Variants in DRC11 observed in about 807,000 individuals in gnomAD.
The protein encoded by DRC11 is dynein regulatory complex subunit 11.
chr2:236,357,699 GAT>G, the DRC11 span, among the ~76,000 whole-genome samples: 1 of 84,668 alleles, frequency 1.2e-5, no homozygotes, highest in Non-Finnish European at 2.6e-5. Flanking sequence ...GTAAATATCT[GAT>G]ATGTAAATAT....
the DRC11 span, among the ~76,000 whole-genome samples, chr2:236,336,003 G>A: frequency 6.6e-6 from 1 of 152,168 alleles, no homozygotes; most frequent in African/African-American, 2.4e-5. The surrounding 1 kb of genome is among the most constrained non-coding windows in gnomAD (Gnocchi z 7.3). Context: ...AAGATCTTCT[G>A]TGACTCCTCC....
the DRC11 span, chr2:236,412,770 A>G: frequency 2.0e-5 from 3 of 152,188 alleles, no homozygotes; most frequent in Non-Finnish European, 4.4e-5. Context: ...GCAGATCTTC[A>G]TCTGAGCATT....
chr2:236,392,009 C>A, the DRC11 span: 1 of 1,613,998 alleles, frequency 6.2e-7, no homozygotes, highest in South Asian at 1.1e-5. The surrounding 1 kb of genome is among the most constrained non-coding windows in gnomAD (Gnocchi z 5.1). Flanking sequence ...TCACTGGGCG[C>A]TCCCTTTCTC....
At chr2:236,325,456 A>G in the DRC11 span, among the ~76,000 whole-genome samples, 1 of 152,206 alleles carries the variant, frequency 6.6e-6, no homozygotes, top group Non-Finnish European at 1.5e-5. The surrounding 1 kb of genome is among the most constrained non-coding windows in gnomAD (Gnocchi z 4.4). Flanking sequence ...CCTTGTAACT[A>G]TGTGAGAGAA....
At chr2:236,380,405 C>T in the DRC11 span, among the ~76,000 whole-genome samples, 5 of 152,224 alleles carry the variant, frequency 3.3e-5, no homozygotes, top group Non-Finnish European at 7.3e-5. This position sits in a 1 kb window ranked among gnomAD's most constrained non-coding sequence, Gnocchi z 4.9. Flanking sequence ...ACCCAGGCAT[C>T]TTTCCAGTCT....
chr2:236,354,285 A>C, the DRC11 span, among the ~76,000 whole-genome samples: 8 of 55,174 alleles, frequency 1.4e-4, no homozygotes, highest in African/African-American at 7.9e-4. Context: ...GTATGAGTTT[A>C]TGTTAGTGTG....
the DRC11 span, among the ~76,000 whole-genome samples, chr2:236,474,555 A>G: frequency 3.3e-5 from 5 of 152,190 alleles, no homozygotes; most frequent in Non-Finnish European, 7.4e-5. Flanking sequence ...AACTGATTCT[A>G]AAGTAAAATT....
At chr2:236,452,229 G>A in the DRC11 span, among the ~76,000 whole-genome samples, 1 of 152,126 alleles carries the variant, frequency 6.6e-6, no homozygotes, top group African/African-American at 2.4e-5. This position sits in a 1 kb window ranked among gnomAD's most constrained non-coding sequence, Gnocchi z 4.7. Context: ...AAAAATTCTT[G>A]CACAAATGTG....
At chr2:236,339,626 A>G in the DRC11 span, among the ~76,000 whole-genome samples, 1 of 152,236 alleles carries the variant, frequency 6.6e-6, no homozygotes, top group Non-Finnish European at 1.5e-5. Context: ...TTTTGCAGGC[A>G]GCAATTCAAC....
At chr2:236,399,693 C>T in the DRC11 span, among the ~76,000 whole-genome samples, 2 of 152,176 alleles carry the variant, frequency 1.3e-5, no homozygotes, top group African/African-American at 4.8e-5. This position sits in a 1 kb window ranked among gnomAD's most constrained non-coding sequence, Gnocchi z 7.0. Context: ...GCATCCCCTG[C>T]TGATACCGGC....
At chr2:236,329,314 G>T in the DRC11 span, among the ~76,000 whole-genome samples, 8 of 152,154 alleles carry the variant, frequency 5.3e-5, no homozygotes, top group Non-Finnish European at 1.2e-4. Flanking sequence ...CGTCCTTGAG[G>T]GGCCATTATC....
the DRC11 span, chr2:236,419,023 T>C: frequency 1.5e-6 from 2 of 1,362,754 alleles, no homozygotes; most frequent in Non-Finnish European, 1.9e-6. The surrounding 1 kb of genome is among the most constrained non-coding windows in gnomAD (Gnocchi z 4.8). Flanking sequence ...GTAGATAACA[T>C]GGTTTCTCTA....
chr2:236,462,976 T>C, the DRC11 span, among the ~76,000 whole-genome samples: 3 of 152,164 alleles, frequency 2.0e-5, no homozygotes, highest in African/African-American at 7.2e-5. The surrounding 1 kb of genome is among the most constrained non-coding windows in gnomAD (Gnocchi z 6.4). Flanking sequence ...TCTTTTTTAC[T>C]GTGAGCCATT....
At chr2:236,369,100 G>A in the DRC11 span, 1 of 152,144 alleles carries the variant, frequency 6.6e-6, no homozygotes, top group Admixed American at 6.6e-5. This position sits in a 1 kb window ranked among gnomAD's most constrained non-coding sequence, Gnocchi z 4.5. Context: ...TTCAATGAAC[G>A]AATCACCATG....
chr2:236,336,707 G>A, the DRC11 span, among the ~76,000 whole-genome samples: 1 of 151,896 alleles, frequency 6.6e-6, no homozygotes, highest in Non-Finnish European at 1.5e-5. The surrounding 1 kb of genome is among the most constrained non-coding windows in gnomAD (Gnocchi z 7.3). Flanking sequence ...GTCACCTCCC[G>A]CCAATCCCCT....
the DRC11 span, among the ~76,000 whole-genome samples, chr2:236,432,639 C>G: frequency 6.6e-6 from 1 of 151,970 alleles, no homozygotes; most frequent in South Asian, 2.1e-4. Flanking sequence ...GTAGGAGTTC[C>G]TTACATATTA....
chr2:236,391,432 T>C, the DRC11 span: 1 of 154,366 alleles, frequency 6.5e-6, no homozygotes, highest in Non-Finnish European at 1.4e-5. This position sits in a 1 kb window ranked among gnomAD's most constrained non-coding sequence, Gnocchi z 4.5. Flanking sequence ...ACCTTGGGTA[T>C]TCTGGCTCCA....
At chr2:236,437,414 A>G in the DRC11 span, among the ~76,000 whole-genome samples, 307 of 150,432 alleles carry the variant, frequency 2.0e-3, 2 homozygotes, top group African/African-American at 6.8e-3. Context: ...GTGTGCATGT[A>G]TCTTTATAGC....
the DRC11 span, among the ~76,000 whole-genome samples, chr2:236,330,945 G>A: frequency 6.6e-6 from 1 of 152,142 alleles, no homozygotes; most frequent in Non-Finnish European, 1.5e-5. This position sits in a 1 kb window ranked among gnomAD's most constrained non-coding sequence, Gnocchi z 5.5. Flanking sequence ...CAAATGAACT[G>A]AAACTGAAAA....
Sources: allele counts gnomAD v4.1 joint callset (sites outside exome capture counted in the v4.1 genomes callset), GRCh38; gene constraint gnomAD v4.1.1; non-coding constraint Gnocchi (gnomAD v3.1); transcripts MANE v1.5; gene names NCBI Gene and HGNC (gene_info 2026-07-23, HGNC 2026-07-21).